The following NUBPL variants were observed in gnomAD, a reference collection of about 807,000 sequenced individuals.
NUBPL encodes iron-sulfur cluster transfer protein NUBPL.
Under a neutral mutation model 45.7 loss-of-function variants are expected in NUBPL, and 31 were observed. The ratio of observed to expected loss-of-function variants is 0.68; its 90% CI spans 0.51 to 0.92. The LOEUF (loss-of-function observed/expected upper bound fraction) is 0.92. Ranked by LOEUF, NUBPL falls within the 40% of genes least tolerant of loss-of-function variation. The pLI is 0.00. For missense variants in NUBPL, 401 were observed against 398.7 expected, an observed-to-expected ratio of 1.01 and a Z score of -0.05; for synonymous variants, 144 against 140.9, an observed-to-expected ratio of 1.02 and a Z score of -0.15.
intron 3 of NUBPL, among the ~76,000 whole-genome samples, chr14:31,572,511 T>C (rs1479618184): frequency 6.6e-6 from 1 of 152,210 alleles, no homozygotes; most frequent in African/African-American, 2.4e-5. Context: ...CGCAATGCCT[T>C]ATGACTTAGA....
intron 4 of NUBPL, among the ~76,000 whole-genome samples, chr14:31,639,967 G>A (rs375156460): frequency 5.3e-5 from 8 of 152,222 alleles, no homozygotes; most frequent in African/African-American, 1.2e-4. Context: ...GGAGTGACCC[G>A]ATTTTCCAGG....
chr14:31,665,943 A>G (rs6571446), intron 4 of NUBPL, among the ~76,000 whole-genome samples: 151,865 of 152,178 alleles, frequency 1, 75,777 homozygotes, highest in Middle Eastern at 1. Context: ...ATTTAAGATA[A>G]TGCTTCTTGT....
chr14:31,684,003 C>T (rs552212463), intron 6 of NUBPL, among the ~76,000 whole-genome samples: 6 of 152,050 alleles, frequency 3.9e-5, no homozygotes, highest in Non-Finnish European at 8.8e-5. Context: ...TCATAATTTC[C>T]TTGATATCTT....
chr14:31,826,198 G>A (rs1446809360), intron 7 of NUBPL, among the ~76,000 whole-genome samples: 2 of 151,752 alleles, frequency 1.3e-5, no homozygotes, highest in East Asian at 1.9e-4. Context: ...TCCGCTCACC[G>A]CAACCTCTGT....
Position 31,561,503 on chromosome 14 carries a change from A to G in NUBPL, c.64A>G (p.Thr22Ala), listed in dbSNP as rs370056143. Residue 22 changes from threonine (T) to alanine (A), a missense_variant, in exon 1 of 11, where the codon ACT (threonine) becomes GCT (alanine). Physicochemically the swap from Thr to Ala is moderately conservative, Grantham distance 58. Transcript: ENST00000281081. ...GVSLRAGGGA[T>A]APLGGSRAMV... ...GTCGCTCCGGGCTGGTGGCGGGGCCACTGCCCCGCTTGGGGGAAGCCGAGC... is the reference window on the plus strand; with the variant it reads ...GTCGCTCCGGGCTGGTGGCGGGGCCGCTGCCCCGCTTGGGGGAAGCCGAGC... The G allele has an allele frequency of 5.8e-5, 81 of 1,393,142 alleles. No homozygotes were observed. The highest frequency in any genetic ancestry group is 6.8e-5 in the Non-Finnish European group (72 of 1,066,464). 86.3% of individuals were successfully genotyped at this position (1,393,142 alleles called of 1,614,324 possible). A position where few individuals can be genotyped will look rare whatever the true frequency, so the allele number is the denominator to read the frequency against.
intron 7 of NUBPL, among the ~76,000 whole-genome samples, chr14:31,810,024 G>T (rs1035623230): frequency 6.6e-6 from 1 of 152,180 alleles, no homozygotes; most frequent in Admixed American, 6.5e-5. Context: ...GCTGAGGAGA[G>T]CTTTACTTCC....
intron 4 of NUBPL, among the ~76,000 whole-genome samples, chr14:31,640,276 T>C (rs968354880): frequency 1.3e-5 from 2 of 152,100 alleles, no homozygotes; most frequent in Non-Finnish European, 2.9e-5. Context: ...TTCTTTAATC[T>C]TATGCTTACC....
intron 6 of NUBPL, among the ~76,000 whole-genome samples, chr14:31,772,303 A>T (rs925721756): frequency 5.9e-5 from 9 of 152,164 alleles, no homozygotes; most frequent in African/African-American, 1.9e-4. Flanking sequence ...TTATTTTGAC[A>T]ATTTCTTTAA....
intron 4 of NUBPL, among the ~76,000 whole-genome samples, chr14:31,633,547 G>C (rs2035401282): frequency 6.6e-6 from 1 of 152,016 alleles, no homozygotes; most frequent in African/African-American, 2.4e-5. Flanking sequence ...TAAGAACCAG[G>C]ATCTTCTGAT....
intron 4 of NUBPL, among the ~76,000 whole-genome samples, chr14:31,665,298 C>T (rs1383795768): frequency 6.6e-6 from 1 of 152,094 alleles, no homozygotes; most frequent in Non-Finnish European, 1.5e-5. Context: ...TTCTCTAGTT[C>T]TTTTAATTGT....
chr14:31,585,945 C>T (rs983975948), intron 3 of NUBPL, among the ~76,000 whole-genome samples: 1 of 152,124 alleles, frequency 6.6e-6, no homozygotes, highest in Non-Finnish European at 1.5e-5. Context: ...TTAACATTAT[C>T]TTTATGATTC....
chr14:31,754,832 A>C (rs1359632857), intron 6 of NUBPL, among the ~76,000 whole-genome samples: 4 of 136,832 alleles, frequency 2.9e-5, no homozygotes, highest in Non-Finnish European at 6.3e-5. Flanking sequence ...ATATCTCCTA[A>C]TGCTATCCCT....
chr14:31,582,400 T>TTC, intron 3 of NUBPL, among the ~76,000 whole-genome samples: 1 of 151,220 alleles, frequency 6.6e-6, no homozygotes, highest in African/African-American at 2.4e-5. Context: ...TTTTTTTTTT[T>TTC]TTTAACAGCA....
chr14:31,817,367 A>G (rs192234488), intron 7 of NUBPL, among the ~76,000 whole-genome samples: 11 of 152,268 alleles, frequency 7.2e-5, no homozygotes, highest in Admixed American at 2.0e-4. Context: ...ACCCCAAGAC[A>G]TATAATTATC....
At chr14:31,805,809 G>A (rs932614436) in intron 7 of NUBPL, among the ~76,000 whole-genome samples, 3 of 144,980 alleles carry the variant, frequency 2.1e-5, no homozygotes, top group African/African-American at 8.7e-5. Flanking sequence ...TTGGGTATTA[G>A]GCTTAATACG....
At chr14:31,610,581 T>C (rs1379735214) in intron 4 of NUBPL, among the ~76,000 whole-genome samples, 1 of 118,314 alleles carries the variant, frequency 8.5e-6, no homozygotes, top group Non-Finnish European at 1.6e-5. Context: ...AGTATTACCC[T>C]GATATCAAAA....
intron 7 of NUBPL, among the ~76,000 whole-genome samples, chr14:31,806,505 A>C (rs1206162973): frequency 6.6e-6 from 1 of 152,210 alleles, no homozygotes; most frequent in African/African-American, 2.4e-5. Flanking sequence ...CCATATGTGT[A>C]CAAGTAAGCT....
chr14:31,711,207 G>T (rs890202031), intron 6 of NUBPL, among the ~76,000 whole-genome samples: 1 of 152,122 alleles, frequency 6.6e-6, no homozygotes, highest in African/African-American at 2.4e-5. Flanking sequence ...CCTCTCTGTC[G>T]ACCCTTGGCT....
intron 10 of NUBPL, 116 bp from the exon 11 acceptor site, chr14:31,859,002 C>A: frequency 1.2e-6 from 1 of 814,592 alleles, no homozygotes; most frequent in Non-Finnish European, 2.1e-6. Flanking sequence ...TGAATTTCCT[C>A]ATCTCACTCA....
Sources: gnomAD v4.1 joint callset for allele counts (sites outside exome capture counted in the v4.1 genomes callset) on GRCh38, gnomAD v4.1.1 for gene constraint, MANE v1.5 for transcripts, NCBI Gene and HGNC (gene_info 2026-07-23, HGNC 2026-07-21) for gene names.